Variants in TNFRSF11A observed in about 807,000 individuals in gnomAD.
TNFRSF11A encodes the protein tumor necrosis factor receptor superfamily member 11A.
In TNFRSF11A, 32 loss-of-function variants were observed where a neutral mutation model predicts 55.7. The ratio of observed to expected loss-of-function variants is 0.57; its 90% CI spans 0.43 to 0.77. TNFRSF11A has a LOEUF of 0.77. TNFRSF11A is among the 30% of genes least tolerant of loss of function. The pLI is 0.00. For synonymous variants in TNFRSF11A, 311 were observed against 331.0 expected, an observed-to-expected ratio of 0.94 and a Z score of 0.65; for missense variants, 753 against 809.8, an observed-to-expected ratio of 0.93 and a Z score of 0.85.
intron 1 of TNFRSF11A, among the ~76,000 whole-genome samples, chr18:62,333,319 G>A (rs1041099516): frequency 6.6e-6 from 1 of 152,148 alleles, no homozygotes; most frequent in East Asian, 1.9e-4. Context: ...CCCACCTACC[G>A]AATCAGAAAC....
At chr18:62,382,817 TGTTA>T (rs71160832) in intron 9 of TNFRSF11A, among the ~76,000 whole-genome samples, 34,065 of 151,930 alleles carry the variant, frequency 0.22, 4,536 homozygotes, top group Non-Finnish European at 0.3. Flanking sequence ...TTTGTTTGTT[TGTTA>T]ACTTTTATTT....
Position 62,349,894 on chromosome 18 carries a change from G to C in TNFRSF11A, c.240G>C (p.Trp80Cys). ...GCCCGGATGAATACTTGGATAGCTGGAATGAAGAAGATAAATGCTTGCTGC... is the reference window on the plus strand; with the variant it reads ...GCCCGGATGAATACTTGGATAGCTGCAATGAAGAAGATAAATGCTTGCTGC... ...PCGPDEYLDS[W>C]NEEDKCLLHK... Residue 80 changes from tryptophan to cysteine, a missense_variant, in exon 3 of 10, where the codon TGG becomes TGC. Trp to Cys is a radical substitution (Grantham distance 215, BLOSUM62 -2). Transcript: ENST00000586569. 6.2e-7 allele frequency: 1 copy of C among 1,614,102 alleles called. No homozygotes were observed. Among genetic ancestry groups the C allele is most frequent in the Non-Finnish European group, 8.5e-7 (1 of 1,179,994 alleles).
chr18:62,351,002 CT>C (rs71160826), intron 3 of TNFRSF11A, among the ~76,000 whole-genome samples: 23,749 of 122,148 alleles, frequency 0.19, 1,625 homozygotes, highest in Non-Finnish European at 0.24. Flanking sequence ...TTTTTTCTTT[CT>C]TTTTTTTTTT....
In TNFRSF11A at chr18:62,343,339, G is replaced by T. The variant is rs189109676; in HGVS notation, c.76-4829G>T. On this transcript the variant is annotated intron_variant, in intron 1 of 9. Transcript: ENST00000586569. ...TTTCTACATCGTTCGATGTCAGCATGAATTTTCAGTGGAGCAAGAAAGTAA... is the reference window on the plus strand; with the variant it reads ...TTTCTACATCGTTCGATGTCAGCATTAATTTTCAGTGGAGCAAGAAAGTAA... Among the ~76,000 whole-genome samples, 516 of 152,320 alleles carry T rather than the reference G, an allele frequency of 3.4e-3. 17 individuals carry two copies. The highest frequency in any genetic ancestry group is 0.032 in the Admixed American group (484 of 15,296).
chr18:62,381,676 T>C (rs1243461721), intron 9 of TNFRSF11A, among the ~76,000 whole-genome samples: 2 of 152,218 alleles, frequency 1.3e-5, no homozygotes, highest in Non-Finnish European at 2.9e-5. Flanking sequence ...GTTTGTGTCA[T>C]GGTGTATATT....
intron 5 of TNFRSF11A, 71 bp from the exon 6 acceptor site, chr18:62,359,884 T>C: frequency 7.2e-7 from 1 of 1,390,746 alleles, no homozygotes. Flanking sequence ...TCTGGGAGAG[T>C]TTTGCATTTG....
intron 7 of TNFRSF11A, among the ~76,000 whole-genome samples, chr18:62,362,810 T>G (rs958847877): frequency 6.6e-6 from 1 of 152,138 alleles, no homozygotes; most frequent in African/African-American, 2.4e-5. Flanking sequence ...CACCATCCTT[T>G]TCCATTTTCA....
At chr18:62,365,373 ACCTTTTAGGTTT>A (rs1292092915) in intron 7 of TNFRSF11A, among the ~76,000 whole-genome samples, 2 of 152,230 alleles carry the variant, frequency 1.3e-5, no homozygotes, top group African/African-American at 4.8e-5. Flanking sequence ...ATAAAATTTA[ACCTTTTAGGTTT>A]CATCACTTCT....
intron 3 of TNFRSF11A, among the ~76,000 whole-genome samples, chr18:62,350,217 G>A (rs1204488032): frequency 1.3e-5 from 2 of 152,120 alleles, no homozygotes; most frequent in African/African-American, 2.4e-5. Context: ...ACCTATTTTT[G>A]TGTGGTTTAA....
intron 1 of TNFRSF11A, among the ~76,000 whole-genome samples, chr18:62,328,433 C>A (rs912574101): frequency 7.4e-5 from 11 of 149,538 alleles, no homozygotes; most frequent in African/African-American, 1.5e-4. Context: ...AAAAAAAAAA[C>A]AACCATATAT....
At chr18:62,349,980 C>G (rs759042591) in intron 3 of TNFRSF11A, 43 bp downstream of exon 3, 7 of 1,610,814 alleles carry the variant, frequency 4.3e-6, no homozygotes, top group Non-Finnish European at 5.9e-6. Flanking sequence ...GTGTAGAAAC[C>G]TCAGACCTCT....
At chr18:62,359,920 A>G in intron 5 of TNFRSF11A, 35 bp from the exon 6 acceptor site, 1 of 1,592,428 alleles carries the variant, frequency 6.3e-7, no homozygotes, top group Non-Finnish European at 8.6e-7. Context: ...ACAAGCTTAT[A>G]AAACCAAAGC....
chr18:62,375,082 TG>T (rs377415372), intron 9 of TNFRSF11A, among the ~76,000 whole-genome samples: 53,524 of 148,384 alleles, frequency 0.36, 10,319 homozygotes, highest in Non-Finnish European at 0.42. Context: ...TTTTTGTGTG[TG>T]TGTTTTTTTT....
At position 62,383,104 on chromosome 18, in the gene TNFRSF11A, G is replaced by GCCTC. The variant is rs968177734; in HGVS notation, c.1568-1642_1568-1639dup. On this transcript the variant is annotated intron_variant, in intron 9 of 9. Coordinates refer to ENST00000586569, the MANE Select transcript of TNFRSF11A (RefSeq NM_003839.4). The surrounding 1 kb of genome is among the most constrained non-coding windows in gnomAD (Gnocchi z 4.2). ...AGGTGGTAAACAGGAATGCCAACGG[G>GCCTC]CCTCCCTCATGCTAATTGGGGGTTC... Among the ~76,000 whole-genome samples the GCCTC allele has an allele frequency of 1.7e-4, 26 of 152,132 alleles. No homozygotes were observed. The highest frequency in any genetic ancestry group is 2.0e-4 in the Admixed American group (3 of 15,280).
intron 8 of TNFRSF11A, 102 bp downstream of exon 8, chr18:62,366,862 T>C: frequency 2.4e-6 from 3 of 1,226,234 alleles, no homozygotes; most frequent in South Asian, 2.4e-5. Context: ...ACCCCCACTT[T>C]TTTTGAGACG....
chr18:62,354,479 C>T lies in TNFRSF11A; in HGVS notation c.372C>T (p.Cys124=), dbSNP rs1192181862. The T allele has an allele frequency of 1.2e-6, 2 of 1,601,574 alleles. No homozygotes were observed. Among genetic ancestry groups the T allele is most frequent in the Admixed American group, 1.7e-5 (1 of 59,958 alleles). Residue 124 remains cysteine (C), a synonymous_variant, in exon 4 of 10, where the codon TGC becomes TGT. Transcript: ENST00000586569. ...CTGGGTACCACTGGAGCCAGGACTG[C>T]GAGTGCTGCCGCCGCAACACCGAGT... ...CTAGYHWSQD[C]ECCRRNTECA...
In TNFRSF11A at chr18:62,387,971, C is replaced by T. The variant is rs1325225229; in HGVS notation, c.*2937C>T. On this transcript the variant is annotated 3_prime_UTR_variant, in exon 10 of 10. Transcript: ENST00000586569. ...TCTCTACAAAAAATACAAAACTTAT[C>T]TGGGCACGGTGGTGTGCACCTGCAG... 8 of 152,224 alleles carry T rather than the reference C, an allele frequency of 5.3e-5. No homozygotes were observed. The highest frequency in any genetic ancestry group is 1.2e-4 in the Non-Finnish European group (8 of 68,100). 9.4% of individuals were successfully genotyped at this position (152,224 alleles called of 1,614,324 possible).
At chr18:62,382,902 GC>G (rs1555776729) in intron 9 of TNFRSF11A, among the ~76,000 whole-genome samples, 1 of 152,078 alleles carries the variant, frequency 6.6e-6, no homozygotes, top group Non-Finnish European at 1.5e-5. Context: ...ATATTTCACT[GC>G]TTTACCTAAT....
chr18:62,345,752 G>A (rs1352430770), intron 1 of TNFRSF11A, among the ~76,000 whole-genome samples: 1 of 152,150 alleles, frequency 6.6e-6, no homozygotes, highest in Non-Finnish European at 1.5e-5. Flanking sequence ...GGCAGGGGTG[G>A]GAGGGCAAGA....
Sources: gnomAD v4.1 joint callset for allele counts (sites outside exome capture counted in the v4.1 genomes callset) on GRCh38, gnomAD v4.1.1 for gene constraint, Gnocchi (gnomAD v3.1) non-coding constraint, MANE v1.5 for transcripts, NCBI Gene and HGNC (gene_info 2026-07-23, HGNC 2026-07-21) for gene names.